The following TNKS variants were observed in gnomAD, a reference collection of about 807,000 sequenced individuals.
TNKS encodes poly [ADP-ribose] polymerase tankyrase-1.
In TNKS, 72 loss-of-function variants were observed where a neutral mutation model predicts 135.8. The observed-to-expected ratio is 0.53, with a 90% CI of 0.44 to 0.64. The LOEUF is 0.64. Among genes scored for constraint, TNKS ranks in the 30% least tolerant of loss-of-function variants. The pLI is 0.00. For missense variants in TNKS, 1,769 were observed against 1,674.0 expected (o/e 1.06, Z -0.99); for synonymous variants, 849 against 649.3 (o/e 1.31, Z -4.68).
At position 9,555,990 on chromosome 8, in the gene TNKS, G is replaced by A; in HGVS notation, c.51G>A (p.Gln17=). ...SQHHHHHHQQ[Q]LQPAPGASAP... Reference sequence around the variant, plus strand: ...ATCATCACCACCATCATCAACAACAGCTCCAGCCCGCCCCAGGGGCTTCAG... The same window carrying A: ...ATCATCACCACCATCATCAACAACAACTCCAGCCCGCCCCAGGGGCTTCAG... The change falls in exon 1 of 27, where the codon CAG becomes CAA. Residue 17 remains glutamine (Q), a synonymous_variant. Coordinates refer to ENST00000310430, the MANE Select transcript of TNKS (RefSeq NM_003747.3). 4.3e-6 allele frequency: 7 copies of A among 1,613,426 alleles called. No homozygotes were observed. Among genetic ancestry groups the A allele is most frequent in the Non-Finnish European group, 5.9e-6 (7 of 1,179,852 alleles).
At chr8:9,562,309 G>A (rs575568972) in intron 1 of TNKS, among the ~76,000 whole-genome samples, 1 of 152,064 alleles carries the variant, frequency 6.6e-6, no homozygotes, top group Admixed American at 6.5e-5. Flanking sequence ...TTCTTAATGA[G>A]AGTCATTTGA....
At chr8:9,721,395 A>G (rs1480944935) in intron 12 of TNKS, among the ~76,000 whole-genome samples, 1 of 151,172 alleles carries the variant, frequency 6.6e-6, no homozygotes, top group Non-Finnish European at 1.5e-5. Context: ...AAGAAAATAG[A>G]TACTGGCTTC....
chr8:9,766,531 G>A, intron 25 of TNKS, 106 bp downstream of exon 25: 1 of 1,088,714 alleles, frequency 9.2e-7, no homozygotes, highest in South Asian at 2.5e-5. Context: ...TTGTCACCCA[G>A]GCTGGAGTGC....
At chr8:9,681,707 G>T (rs1802788903) in intron 5 of TNKS, among the ~76,000 whole-genome samples, 1 of 151,976 alleles carries the variant, frequency 6.6e-6, no homozygotes, top group Non-Finnish European at 1.5e-5. Flanking sequence ...AGGATGGATG[G>T]TACCCCTTAG....
At chr8:9,631,902 G>A (rs374994881) in intron 3 of TNKS, among the ~76,000 whole-genome samples, 9 of 152,174 alleles carry the variant, frequency 5.9e-5, no homozygotes, top group South Asian at 2.1e-4. Context: ...TTTACAAACC[G>A]TATGGGGAAA....
At chr8:9,740,176 A>G (rs1392756505) in intron 17 of TNKS, among the ~76,000 whole-genome samples, 3 of 151,902 alleles carry the variant, frequency 2.0e-5, no homozygotes, top group African/African-American at 7.3e-5. Flanking sequence ...GAACTGACTG[A>G]CTGGAAGTAA....
intron 3 of TNKS, among the ~76,000 whole-genome samples, chr8:9,656,911 A>G (rs1196143772): frequency 1.6e-5 from 2 of 127,128 alleles, no homozygotes; most frequent in African/African-American, 6.1e-5. Flanking sequence ...GACACAGCAC[A>G]TGTTTCAGAG....
At chr8:9,767,958 CAAA>C (rs1030767438) in intron 25 of TNKS, among the ~76,000 whole-genome samples, 13 of 68,058 alleles carry the variant, frequency 1.9e-4, no homozygotes, top group Admixed American at 7.0e-4. Flanking sequence ...GACTCCGTCT[CAAA>C]AAAAAAAAAA....
chr8:9,570,365 A>G (rs1441515293), intron 1 of TNKS, among the ~76,000 whole-genome samples: 1 of 152,020 alleles, frequency 6.6e-6, no homozygotes, highest in African/African-American at 2.4e-5. Flanking sequence ...GCCAAAAAAG[A>G]TCCCTGAGCC....
intron 1 of TNKS, among the ~76,000 whole-genome samples, chr8:9,573,421 T>G (rs1482003039): frequency 6.6e-6 from 1 of 152,220 alleles, no homozygotes; most frequent in Admixed American, 6.5e-5. Flanking sequence ...GTTTGAACAT[T>G]TGGCTGCCTT....
At chr8:9,684,091 A>C (rs1238352782) in intron 5 of TNKS, among the ~76,000 whole-genome samples, 2 of 151,960 alleles carry the variant, frequency 1.3e-5, no homozygotes, top group Non-Finnish European at 2.9e-5. Flanking sequence ...GATGTTATTT[A>C]GTCATCTTCT....
intron 3 of TNKS, among the ~76,000 whole-genome samples, chr8:9,636,792 G>C (rs1800528774): frequency 6.6e-6 from 1 of 152,172 alleles, no homozygotes; most frequent in East Asian, 1.9e-4. Context: ...ATGGACACCA[G>C]ATGAGTACTA....
chr8:9,682,524 C>T (rs955798519), intron 5 of TNKS, among the ~76,000 whole-genome samples: 2 of 152,074 alleles, frequency 1.3e-5, no homozygotes, highest in African/African-American at 4.8e-5. Context: ...ATGTATTCCT[C>T]ATCCAAATTC....
intron 3 of TNKS, among the ~76,000 whole-genome samples, chr8:9,664,080 T>G (rs1454020940): frequency 6.6e-6 from 1 of 152,230 alleles, no homozygotes; most frequent in African/African-American, 2.4e-5. Context: ...TCATTATATC[T>G]TAGTCCATTT....
At chr8:9,684,433 T>C (rs1320232908) in intron 5 of TNKS, among the ~76,000 whole-genome samples, 1 of 152,088 alleles carries the variant, frequency 6.6e-6, no homozygotes, top group Non-Finnish European at 1.5e-5. Context: ...TCAACTCTTT[T>C]GAGAGTTCTT....
Position 9,600,606 on chromosome 8 carries a change from C to T in TNKS, c.899-14976C>T, listed in dbSNP as rs535446051. Among the ~76,000 whole-genome samples, 15 of 152,216 alleles carry T rather than the reference C, an allele frequency of 9.9e-5. 1 individual carries two copies. In the South Asian group the frequency reaches 1.5e-3, roughly 15 times the overall value. ...AGGATTTCAGAGGCATGAGCCACTG[C>T]GCCTGGCTGAACTTTTTTTTAAAAA... On this transcript the variant is annotated intron_variant, in intron 2 of 26. Coordinates refer to ENST00000310430, the MANE Select transcript of TNKS (RefSeq NM_003747.3).
intron 1 of TNKS, chr8:9,574,933 A>G (rs1292329562): frequency 3.6e-5 from 22 of 605,450 alleles, no homozygotes; most frequent in East Asian, 1.4e-4. Context: ...GCTTAGAAAT[A>G]TAGCACTCTT....
Position 9,606,984 on chromosome 8 carries a change from T to G in TNKS, c.899-8598T>G, listed in dbSNP as rs112895848. On this transcript the variant is annotated intron_variant, in intron 2 of 26. Coordinates refer to ENST00000310430, the MANE Select transcript of TNKS (RefSeq NM_003747.3). ...CCTTGTTTTGCCTCGGTTTTGGGCT[T>G]TATTAGTATTATGTGTCTAGACTAG... 2.1e-3 allele frequency among the ~76,000 whole-genome samples: 324 copies of G among 152,314 alleles called. 1 individual carries two copies. The highest frequency in any genetic ancestry group is 7.2e-3 in the African/African-American group (298 of 41,562).
chr8:9,764,599 T>C, intron 22 of TNKS, 117 bp from the exon 23 acceptor site: 1 of 612,682 alleles, frequency 1.6e-6, no homozygotes, highest in Non-Finnish European at 2.6e-6. Context: ...TCCACTAAAC[T>C]TGTTCATCAA....
Sources: allele counts gnomAD v4.1 joint callset (sites outside exome capture counted in the v4.1 genomes callset), GRCh38; gene constraint gnomAD v4.1.1; transcripts MANE v1.5; gene names NCBI Gene and HGNC (gene_info 2026-07-23, HGNC 2026-07-21).